Variants in TRIM9 observed in about 807,000 individuals in gnomAD.
The protein encoded by TRIM9 is E3 ubiquitin-protein ligase TRIM9.
Under a neutral mutation model 78.3 loss-of-function variants are expected in TRIM9, and 26 were observed. The ratio of observed to expected loss-of-function variants is 0.33; its 90% CI spans 0.24 to 0.46. TRIM9 has a LOEUF of 0.46. Ranked by LOEUF, TRIM9 falls within the 20% of genes least tolerant of loss-of-function variation. The pLI, the probability that TRIM9 is intolerant of heterozygous loss-of-function variation, is 1.00. For missense variants in TRIM9, 787 were observed against 1,036.4 expected, an observed-to-expected ratio of 0.76 and a Z score of 3.30; for synonymous variants, 398 against 416.5, an observed-to-expected ratio of 0.96 and a Z score of 0.54.
At chr14:51,003,709 A>T (rs961392676) in intron 5 of TRIM9, among the ~76,000 whole-genome samples, 3 of 152,172 alleles carry the variant, frequency 2.0e-5, no homozygotes, top group Admixed American at 6.5e-5. Context: ...ATTTAGACAA[A>T]TTAGCAAATG....
intron 1 of TRIM9, among the ~76,000 whole-genome samples, chr14:51,046,294 C>A (rs913845872): frequency 1.3e-5 from 2 of 152,192 alleles, no homozygotes; most frequent in African/African-American, 4.8e-5. Flanking sequence ...CAAACTTACA[C>A]AGGTGATAGA....
intron 1 of TRIM9, among the ~76,000 whole-genome samples, chr14:51,067,879 T>C (rs886838365): frequency 6.6e-6 from 1 of 152,238 alleles, no homozygotes; most frequent in African/African-American, 2.4e-5. Context: ...TTTTGTGTTA[T>C]GGCTATTTCT....
intron 7 of TRIM9, chr14:50,997,300 C>T: frequency 1.0e-6 from 1 of 985,174 alleles, no homozygotes; most frequent in African/African-American, 1.7e-5. Flanking sequence ...CTTTGATGAC[C>T]AAAATATTTA....
intron 7 of TRIM9, among the ~76,000 whole-genome samples, chr14:50,987,281 T>C (rs7161450): frequency 1 from 151,930 of 152,348 alleles, 75,760 homozygotes; most frequent in East Asian, 1. Flanking sequence ...TATCAAAATG[T>C]TACTCGCATG....
At chr14:51,063,342 C>T (rs192727185) in intron 1 of TRIM9, among the ~76,000 whole-genome samples, 24 of 152,128 alleles carry the variant, frequency 1.6e-4, no homozygotes, top group African/African-American at 5.5e-4. Flanking sequence ...ATTCAGTGGC[C>T]TGCAAGAAAT....
chr14:50,985,971 A>C lies in TRIM9; in HGVS notation c.1777T>G (p.Ser593Ala). The part of the protein sequence containing the change: ...HQLSLHSSLQ[S>A]LNAPGCNFET... Reference sequence around the variant, plus strand: ...CTCAGCTCACCCGGTGCATTGAGAGACTGTAAAGAGGAATGCAAGCTCAGC... The same window carrying C: ...CTCAGCTCACCCGGTGCATTGAGAGCCTGTAAAGAGGAATGCAAGCTCAGC... Residue 593 changes from serine (S) to alanine (A), a missense_variant, in exon 8 of 13, where the codon TCT becomes GCT. Physicochemically the swap from Ser to Ala is moderately conservative, Grantham distance 99. Around this residue, in one of 3 missense-constraint regions of TRIM9, gnomAD observed 421 missense variants for 514.3 expected, o/e 0.82. Transcript: ENST00000684578. 1 of 1,540,916 alleles carries C rather than the reference A, an allele frequency of 6.5e-7. No individual in the cohort carries two copies. The highest frequency in any genetic ancestry group is 8.8e-7 in the Non-Finnish European group (1 of 1,142,150).
chr14:50,998,436 G>A (rs562879397), intron 6 of TRIM9, among the ~76,000 whole-genome samples: 11 of 152,270 alleles, frequency 7.2e-5, no homozygotes, highest in South Asian at 4.1e-4. Flanking sequence ...GCAGATTAGC[G>A]TCATGCCTTG....
At chr14:51,011,744 C>A (rs1346127985) in intron 3 of TRIM9, among the ~76,000 whole-genome samples, 1 of 152,098 alleles carries the variant, frequency 6.6e-6, no homozygotes, top group Non-Finnish European at 1.5e-5. Flanking sequence ...TGAGAAAAAG[C>A]AAATACTCTT....
rs2056432141 is a variant in TRIM9, at chr14:51,010,483, A to G, written c.1053T>C (p.Asp351=). 1.2e-6 allele frequency: 2 copies of G among 1,612,846 alleles called. No homozygotes were observed. The highest frequency in any genetic ancestry group is 1.1e-5 in the South Asian group (1 of 91,046). Residue 351 remains aspartate (D), a synonymous_variant, in exon 4 of 13, where the codon GAT becomes GAC. Transcript: ENST00000684578. ...EHEHKLKVVR[D]QISHCTVKLR... is the part of the protein sequence containing the mutation. Reference sequence around the variant, plus strand: ...ATTTCACTGTGCAGTGAGAGATCTGATCTCGAACCACCTAGGATTAAAAAA... The same window carrying G: ...ATTTCACTGTGCAGTGAGAGATCTGGTCTCGAACCACCTAGGATTAAAAAA...
At chr14:51,028,885 C>A (rs958625803) in intron 1 of TRIM9, among the ~76,000 whole-genome samples, 1 of 152,126 alleles carries the variant, frequency 6.6e-6, no homozygotes, top group African/African-American at 2.4e-5. Flanking sequence ...CTGCCTCCTC[C>A]TTCCCTCCTT....
intron 1 of TRIM9, among the ~76,000 whole-genome samples, chr14:51,070,891 T>TTTTC (rs1396265867): frequency 1.3e-5 from 2 of 152,160 alleles, no homozygotes; most frequent in Admixed American, 6.5e-5. Flanking sequence ...TTCCTAGACG[T>TTTTC]TTTCTTTCTT....
chr14:51,010,994 C>A (rs567140070), intron 3 of TRIM9, among the ~76,000 whole-genome samples: 2 of 152,158 alleles, frequency 1.3e-5, no homozygotes, highest in Non-Finnish European at 2.9e-5. Flanking sequence ...CACAGCCCCA[C>A]GGTCAATTGT....
chr14:51,053,997 G>A (rs1232416283), intron 1 of TRIM9, among the ~76,000 whole-genome samples: 1 of 152,134 alleles, frequency 6.6e-6, no homozygotes, highest in Non-Finnish European at 1.5e-5. Context: ...TAGATGAGTG[G>A]CCAACATTAA....
At chr14:50,985,287 T>C (rs2052544895) in intron 8 of TRIM9, among the ~76,000 whole-genome samples, 1 of 152,154 alleles carries the variant, frequency 6.6e-6, no homozygotes, top group Non-Finnish European at 1.5e-5. Flanking sequence ...CTTTGGTCAT[T>C]AGGCATTAGG....
At chr14:51,090,524 T>C (rs1038245617) in intron 1 of TRIM9, 4 of 152,198 alleles carry the variant, frequency 2.6e-5, no homozygotes, top group African/African-American at 9.6e-5. Flanking sequence ...GTGTTTAGAA[T>C]AGAAAGGAAA....
At chr14:51,041,330 C>T (rs143022117) in intron 1 of TRIM9, among the ~76,000 whole-genome samples, 77 of 152,334 alleles carry the variant, frequency 5.1e-4, no homozygotes, top group African/African-American at 1.7e-3. Context: ...CATGCAAGGG[C>T]GGGTTACACG....
At position 51,094,448 on chromosome 14, in the gene TRIM9, C is replaced by G; in HGVS notation, c.492G>C (p.Ala164=). The change falls in exon 1 of 13, where the codon GCG becomes GCC. Residue 164 remains alanine, a synonymous_variant. Coordinates refer to ENST00000684578, the MANE Select transcript of TRIM9 (RefSeq NM_001387360.1). ...TCTCGCAGAGCTGGCACTTGAGGGC[C>G]GCGGCTTTGCTCTGCTGGTAGCGGT... The part of the protein sequence containing the change: ...VIDRYQQSKA[A]ALKCQLCEKA... 6.2e-7 allele frequency: 1 copy of G among 1,613,862 alleles called. No homozygotes were observed. The highest frequency in any genetic ancestry group is 8.5e-7 in the Non-Finnish European group (1 of 1,179,966).
intron 1 of TRIM9, among the ~76,000 whole-genome samples, chr14:51,062,199 T>A (rs532696011): frequency 6.6e-6 from 1 of 152,368 alleles, no homozygotes; most frequent in South Asian, 2.1e-4. Context: ...TGTTTATGCA[T>A]GTTATTCAAC....
At chr14:51,048,148 C>A (rs1249084448) in intron 1 of TRIM9, among the ~76,000 whole-genome samples, 1 of 152,174 alleles carries the variant, frequency 6.6e-6, no homozygotes, top group African/African-American at 2.4e-5. Context: ...AAGTTAAACC[C>A]CCAACTATCT....
Sources: gnomAD v4.1 joint callset for allele counts (sites outside exome capture counted in the v4.1 genomes callset) on GRCh38, gnomAD v4.1.1 for gene constraint, gnomAD v4.1.1 regional missense constraint, MANE v1.5 for transcripts, NCBI Gene and HGNC (gene_info 2026-07-23, HGNC 2026-07-21) for gene names.